AGAP3: variants seen among roughly 807,000 people sequenced by gnomAD.
AGAP3 encodes the protein ArfGAP with GTPase domain, ankyrin repeat and PH domain 3.
A neutral mutation model predicts 96.9 loss-of-function variants in AGAP3; 24 were observed. The ratio of observed to expected loss-of-function variants is 0.25; its 90% CI spans 0.18 to 0.35. AGAP3 has a LOEUF of 0.35. Ranked by LOEUF, AGAP3 falls within the 10% of genes least tolerant of loss-of-function variation. AGAP3 has a pLI of 1.00. For missense variants in AGAP3, 876 were observed against 1,254.2 expected (o/e 0.70, Z 4.55); for synonymous variants, 563 against 536.1 (o/e 1.05, Z -0.69).
chr7:151,120,073 C>T lies in AGAP3; in HGVS notation c.1056C>T (p.Ile352=), dbSNP rs372956092. ...GCATCAGCCAGCGGGAGCTGCGCAT[C>T]GAGACCATCGCTGCCTCCTCCACCC... The part of the protein sequence containing the change: ...TPSISQRELR[I]ETIAASSTPT... The change falls in exon 8 of 18, where the codon ATC becomes ATT. Residue 352 remains isoleucine (I), a synonymous_variant. Coordinates refer to ENST00000397238, the MANE Select transcript of AGAP3 (RefSeq NM_031946.7). 22 of 1,613,842 alleles carry T rather than the reference C, an allele frequency of 1.4e-5. No homozygotes were observed. The highest frequency in any genetic ancestry group is 1.1e-4 in the African/African-American group (8 of 74,936).
chr7:151,116,713 C>T, intron 1 of AGAP3, 80 bp from the exon 2 acceptor site: 1 of 1,538,290 alleles, frequency 6.5e-7, no homozygotes. Flanking sequence ...GGGAGGGCAT[C>T]ATAGGTGACA....
At chr7:151,117,819 C>T in intron 5 of AGAP3, 42 bp downstream of exon 5, 2 of 1,572,958 alleles carry the variant, frequency 1.3e-6, no homozygotes, top group East Asian at 2.2e-5. Flanking sequence ...AGCAGGAAGT[C>T]CCGGGCAACG....
chr7:151,144,174 G>A lies in AGAP3; in HGVS notation c.*231G>A, dbSNP rs1454727955. The A allele has an allele frequency of 1.7e-6, 1 of 582,140 alleles. No individual in the cohort carries two copies. The highest frequency in any genetic ancestry group is 3.2e-5 in the Admixed American group (1 of 31,604). 36.1% of individuals were successfully genotyped at this position (582,140 alleles called of 1,614,324 possible). On this transcript the variant is annotated 3_prime_UTR_variant, in exon 18 of 18. Transcript: ENST00000397238. The stretch of plus-strand genomic sequence containing the variant: ...CTGCCCTAAGGTGCCATTGAAAAGG[G>A]ACAGGACCCTTCGGAGGTGCCTGTG...
intron 1 of AGAP3, among the ~76,000 whole-genome samples, chr7:151,110,476 T>C (rs890462573): frequency 6.9e-6 from 1 of 145,428 alleles, no homozygotes; most frequent in Non-Finnish European, 1.5e-5. Context: ...GGGTGTCAGG[T>C]GAGAGCAAGC....
At chr7:151,122,954 G>A in intron 8 of AGAP3, 4 of 1,439,602 alleles carry the variant, frequency 2.8e-6, no homozygotes, top group Non-Finnish European at 1.8e-6. Context: ...AAGGCTAGGA[G>A]CGCCGGAGCC....
In AGAP3 at chr7:151,143,633, C is replaced by T; in HGVS notation, c.2529+37C>T. On this transcript the variant is annotated intron_variant, in intron 17 of 17. Transcript: ENST00000397238. This position sits in a 1 kb window ranked among gnomAD's most constrained non-coding sequence, Gnocchi z 5.9. Reference sequence around the variant, plus strand: ...GCCTCTAGCCTGCCCTGACCTCGCTCTTCTTAGCCTTGTTCTTTGAAAGCA... The same window carrying T: ...GCCTCTAGCCTGCCCTGACCTCGCTTTTCTTAGCCTTGTTCTTTGAAAGCA... 1 of 1,597,618 alleles carries T rather than the reference C, an allele frequency of 6.3e-7. No homozygotes were observed. Among genetic ancestry groups the T allele is most frequent in the Non-Finnish European group, 8.5e-7 (1 of 1,169,760 alleles).
Position 151,118,451 on chromosome 7 carries a change from C to A in AGAP3, c.842-54C>A. 6.2e-7 allele frequency: 1 copy of A among 1,603,996 alleles called. No homozygotes were observed. Among genetic ancestry groups the A allele is most frequent in the South Asian group, 1.1e-5 (1 of 90,704 alleles). ...TGTGTGTCTGGGGGGAGGTGCTAAG[C>A]CAGGCTTTTCCCTTCTCTCCAGTGG... On this transcript the variant is annotated intron_variant, in intron 6 of 17. Transcript: ENST00000397238. The surrounding 1 kb of genome is among the most constrained non-coding windows in gnomAD (Gnocchi z 6.1).
At chr7:151,101,769 C>T (rs532234924) in intron 1 of AGAP3, among the ~76,000 whole-genome samples, 28 of 152,286 alleles carry the variant, frequency 1.8e-4, no homozygotes, top group African/African-American at 6.7e-4. Flanking sequence ...GGAGCCAGTT[C>T]AACGGGGCAG....
chr7:151,137,897 C>T (rs1478813574), intron 11 of AGAP3: 6 of 529,748 alleles, frequency 1.1e-5, no homozygotes, highest in East Asian at 3.3e-5. Flanking sequence ...CCCCCCGCCC[C>T]GCTCCCGGAC....
intron 1 of AGAP3, among the ~76,000 whole-genome samples, chr7:151,112,740 A>G (rs1415653417): frequency 6.6e-6 from 1 of 152,112 alleles, no homozygotes; most frequent in African/African-American, 2.4e-5. Context: ...CTGGGACCAC[A>G]GGCTCGTGCC....
At chr7:151,125,027 C>T (rs928735513) in intron 9 of AGAP3, among the ~76,000 whole-genome samples, 9 of 152,218 alleles carry the variant, frequency 5.9e-5, no homozygotes, top group South Asian at 2.1e-4. Flanking sequence ...CCTGTTCGTT[C>T]GCGGAGTGCG....
At chr7:151,115,562 C>A in intron 1 of AGAP3, 1 of 1,130,592 alleles carries the variant, frequency 8.8e-7, no homozygotes, top group Non-Finnish European at 1.1e-6. Context: ...GCCGCTTCCG[C>A]CGGAGGGAGC....
In AGAP3 at chr7:151,143,759, G is replaced by C. The variant is rs778249733; in HGVS notation, c.2552G>C (p.Arg851Pro). 1 of 1,614,030 alleles carries C rather than the reference G, an allele frequency of 6.2e-7. No individual in the cohort carries two copies. Among genetic ancestry groups the C allele is most frequent in the Non-Finnish European group, 8.5e-7 (1 of 1,180,054 alleles). Reference protein sequence around the residue: ...LIWYGVDVRSRDARGLTPLAY... With the variant: ...LIWYGVDVRSPDARGLTPLAY... ...CAGTACGGGGTGGACGTGAGGAGCC[G>C]GGACGCCCGGGGCCTGACTCCACTG... The change falls in exon 18 of 18, where the codon CGG (arginine) becomes CCG (proline). Residue 851 changes from arginine to proline, a missense_variant. This residue lies in a region of AGAP3 where 213 missense variants were observed against 253.8 expected (regional missense o/e 0.84). Coordinates refer to ENST00000397238, the MANE Select transcript of AGAP3 (RefSeq NM_031946.7). This position sits in a 1 kb window ranked among gnomAD's most constrained non-coding sequence, Gnocchi z 5.9.
chr7:151,140,059 C>CGG lies in AGAP3; in HGVS notation c.1748_1749dup (p.Arg584GlyfsTer108). The CGG allele has an allele frequency of 6.2e-7, 1 of 1,606,022 alleles. No individual in the cohort carries two copies. The highest frequency in any genetic ancestry group is 8.5e-7 in the Non-Finnish European group (1 of 1,176,666). ...TCCCCACTCCAACCGGAAGAAGCAC[C>CGG]GGAGGAAAAAGAGCACCGGGACCCC... On this transcript the variant is annotated frameshift_variant, in exon 13 of 18. Coordinates refer to ENST00000397238, the MANE Select transcript of AGAP3 (RefSeq NM_031946.7). LOFTEE classifies it high-confidence loss of function. The surrounding 1 kb of genome is among the most constrained non-coding windows in gnomAD (Gnocchi z 5.4).
Position 151,143,534 on chromosome 7 carries a change from C to T in AGAP3, c.2467C>T (p.Arg823Trp). ...VNETYGDGDGRTALHLSSAMA... is the reference protein window; with the variant it reads ...VNETYGDGDGWTALHLSSAMA... ...TGAGACCTATGGGGACGGGGACGGGCGGACGGCTCTACATCTCTCCAGTGC... is the reference window on the plus strand; with the variant it reads ...TGAGACCTATGGGGACGGGGACGGGTGGACGGCTCTACATCTCTCCAGTGC... Residue 823 changes from arginine to tryptophan, a missense_variant, in exon 17 of 18, where the codon CGG becomes TGG. Arg to Trp is a moderately radical substitution (Grantham distance 101). Coordinates refer to ENST00000397238, the MANE Select transcript of AGAP3 (RefSeq NM_031946.7). This position sits in a 1 kb window ranked among gnomAD's most constrained non-coding sequence, Gnocchi z 5.9. The T allele has an allele frequency of 5.0e-6, 8 of 1,613,902 alleles. No homozygotes were observed. In the South Asian group the frequency reaches 5.5e-5, roughly 11 times the overall value.
At chr7:151,137,147 C>T (rs1233547605) in intron 11 of AGAP3, among the ~76,000 whole-genome samples, 3 of 152,244 alleles carry the variant, frequency 2.0e-5, no homozygotes, top group South Asian at 2.1e-4. Context: ...AGCCTGGTGC[C>T]GTCTCCCCGC....
intron 1 of AGAP3, among the ~76,000 whole-genome samples, chr7:151,088,577 T>C (rs1798251664): frequency 6.6e-6 from 1 of 152,216 alleles, no homozygotes; most frequent in Non-Finnish European, 1.5e-5. Context: ...ACATTCCTGA[T>C]TTGCTCCAAG....
At chr7:151,092,118 C>T (rs1426546925) in intron 1 of AGAP3, among the ~76,000 whole-genome samples, 6 of 152,144 alleles carry the variant, frequency 3.9e-5, no homozygotes, top group East Asian at 1.9e-4. Context: ...CGTCATTCTG[C>T]GAAAGATGGG....
chr7:151,105,253 T>C (rs1798996309), intron 1 of AGAP3, among the ~76,000 whole-genome samples: 1 of 152,190 alleles, frequency 6.6e-6, no homozygotes, highest in Admixed American at 6.5e-5. Flanking sequence ...TTTTACAAAG[T>C]AATATATCGT....
Sources: gnomAD v4.1 joint callset for allele counts (sites outside exome capture counted in the v4.1 genomes callset) on GRCh38, gnomAD v4.1.1 for gene constraint, gnomAD v4.1.1 regional missense constraint, Gnocchi (gnomAD v3.1) non-coding constraint, MANE v1.5 for transcripts, NCBI Gene and HGNC (gene_info 2026-07-23, HGNC 2026-07-21) for gene names.